The following PKD1L3 variants were observed in gnomAD, a reference collection of about 807,000 sequenced individuals.
PKD1L3 encodes polycystin 1 like 3, transient receptor potential channel interacting.
In PKD1L3, 239 loss-of-function variants were observed where a neutral mutation model predicts 184.1. The ratio of observed to expected loss-of-function variants is 1.30; its 90% CI spans 1.17 to 1.45. PKD1L3 has a LOEUF of 1.45. PKD1L3 is among the 40% of genes most tolerant of loss of function. The probability of loss-of-function intolerance (pLI) is 0.00; values close to 1 mark genes in which losing one functional copy is unlikely to be tolerated. For synonymous variants in PKD1L3, 996 were observed against 778.8 expected, an observed-to-expected ratio of 1.28 and a Z score of -4.64; for missense variants, 2,660 against 2,067.2, an observed-to-expected ratio of 1.29 and a Z score of -5.56.
At position 71,977,427 on chromosome 16, in the gene PKD1L3, G is replaced by A; in HGVS notation, c.1568C>T (p.Thr523Ile). Residue 523 changes from threonine (T) to isoleucine (I), a missense_variant, in exon 11 of 30, where the codon ACC becomes ATC. Physicochemically the swap from Thr to Ile is moderately conservative, Grantham distance 89 (BLOSUM62 -1). Coordinates refer to ENST00000620267, the MANE Select transcript of PKD1L3 (RefSeq NM_181536.2). ...CTGATGTGTGCTCATGTTGAGGCTG[G>A]TGGGATGGGTTTCCAAGCTAACATT... ...WRNVSLETHPTSLNMSTHQLT... is the reference protein window; with the variant it reads ...WRNVSLETHPISLNMSTHQLT... 6.4e-7 allele frequency: 1 copy of A among 1,551,564 alleles called. No individual in the cohort carries two copies. The highest frequency in any genetic ancestry group is 8.7e-7 in the Non-Finnish European group (1 of 1,146,870).
At position 71,934,043 on chromosome 16, in the gene PKD1L3, G is replaced by C. The variant is rs1423923398; in HGVS notation, c.4696C>G (p.Gln1566Glu). 3 of 1,551,464 alleles carry C rather than the reference G, an allele frequency of 1.9e-6. No individual in the cohort carries two copies. Among genetic ancestry groups the C allele is most frequent in the East Asian group, 2.4e-5 (1 of 40,938 alleles). ...CTATGACGCAGCAGGTTCCATAACT[G>C]AACAGTTGCCAGGAGAACCGGGAAG... ...VGFPVLLATV[Q>E]LWNLLRHSPR... The change falls in exon 27 of 30, where the codon CAG becomes GAG. Residue 1566 changes from glutamine to glutamate, a missense_variant. Transcript: ENST00000620267.
chr16:71,989,452 C>A (rs1331471371), intron 4 of PKD1L3, among the ~76,000 whole-genome samples: 1 of 152,228 alleles, frequency 6.6e-6, no homozygotes, highest in African/African-American at 2.4e-5. Flanking sequence ...CGTGCCCAGC[C>A]TCTGTTCTTT....
At chr16:71,939,257 G>A (rs1034402941) in intron 24 of PKD1L3, among the ~76,000 whole-genome samples, 1 of 152,230 alleles carries the variant, frequency 6.6e-6, no homozygotes, top group Non-Finnish European at 1.5e-5. Context: ...TGGACCCCGT[G>A]CTTGCTCATC....
chr16:71,967,490 A>G (rs1195545899), intron 14 of PKD1L3, among the ~76,000 whole-genome samples, 175 bp from the exon 15 acceptor site: 1 of 152,204 alleles, frequency 6.6e-6, no homozygotes, highest in East Asian at 1.9e-4. Flanking sequence ...TCTGACATGA[A>G]GTCTTGCTCT....
chr16:71,977,236 CT>C lies in PKD1L3; in HGVS notation c.1758del (p.Asp587MetfsTer8). The stretch of plus-strand genomic sequence containing the variant: ...TTTCTGACAGCTGATTGGGTTTTAC[CT>C]TTTTGCCACACCTTATCCTTTGGAA... ...ITLPKDKVWQ[K>X]DEEYTWVLNP... On this transcript the variant is annotated frameshift_variant and splice_region_variant, in exon 11 of 30. Transcript: ENST00000620267. LOFTEE classifies it high-confidence loss of function. The C allele has an allele frequency of 6.6e-7, 1 of 1,518,438 alleles. No individual in the cohort carries two copies. The highest frequency in any genetic ancestry group is 9.0e-7 in the Non-Finnish European group (1 of 1,116,822). The allele number at this position is 1,518,438 out of a possible 1,614,324, so 94.1% of individuals were successfully genotyped here.
intron 24 of PKD1L3, among the ~76,000 whole-genome samples, chr16:71,938,623 C>T (rs1055351188): frequency 5.3e-5 from 8 of 152,208 alleles, no homozygotes; most frequent in African/African-American, 1.9e-4. Context: ...AATAAGCACA[C>T]ACTTACTCCC....
chr16:71,982,015 A>G, intron 7 of PKD1L3, 44 bp downstream of exon 7: 1 of 1,461,284 alleles, frequency 6.8e-7, no homozygotes, highest in Non-Finnish European at 9.1e-7. Flanking sequence ...TCAAGATTAA[A>G]ATGCTTCTAA....
Position 71,978,518 on chromosome 16 carries a change from TATAC to T in PKD1L3, c.1399-139_1399-136del, listed in dbSNP as rs1264985442. ...GTGTATATATATATATATATATATA[TATAC>T]ATACATACATACATACATACTTTTT... On this transcript the variant is annotated intron_variant, in intron 9 of 29. Transcript: ENST00000620267. 9.5e-4 allele frequency: 105 copies of T among 110,574 alleles called. 1 individual carries two copies. The highest frequency in any genetic ancestry group is 6.6e-3 in the South Asian group (19 of 2,874). The allele number at this position is 110,574 out of a possible 1,614,324, so 6.8% of individuals were successfully genotyped here. A position where few individuals can be genotyped will look rare whatever the true frequency, so the allele number is the denominator to read the frequency against.
chr16:71,935,409 C>G lies in PKD1L3; in HGVS notation c.4562G>C (p.Ser1521Thr), dbSNP rs548904750. ...CATGTTTTTCTTATGTAGAGAAATA[C>G]TCTTCATGTCAAGCCCCAGGAGGAT... is the stretch of plus-strand genomic sequence containing the variant. ...SFILLGLDMKSISLHKKNMAR... is the reference protein window; with the variant it reads ...SFILLGLDMKTISLHKKNMAR... Residue 1521 changes from serine (S) to threonine (T), a missense_variant, in exon 26 of 30, where the codon AGT becomes ACT. Ser to Thr is a moderately conservative substitution (Grantham distance 58). Coordinates refer to ENST00000620267, the MANE Select transcript of PKD1L3 (RefSeq NM_181536.2). The G allele has an allele frequency of 1.7e-5, 27 of 1,551,894 alleles. No individual in the cohort carries two copies. In the South Asian group the frequency reaches 2.7e-4, roughly 16 times the overall value.
At chr16:71,969,690 G>C (rs1192281613) in intron 13 of PKD1L3, among the ~76,000 whole-genome samples, 185 bp downstream of exon 13, 2 of 120,064 alleles carry the variant, frequency 1.7e-5, no homozygotes, top group African/African-American at 5.1e-5. Context: ...AAAAAAAATA[G>C]AGAGAAAAAG....
Position 71,980,122 on chromosome 16 carries a change from G to C in PKD1L3, c.1156C>G (p.Leu386Val). ...KRHTEPVEDI[L>V]EMSLVEFGNI... ...CCAAACTCCACCAAGGACATTTCCAGGATGTCTTCTACCTGCATGGAAAGG... is the reference window on the plus strand; with the variant it reads ...CCAAACTCCACCAAGGACATTTCCACGATGTCTTCTACCTGCATGGAAAGG... Residue 386 changes from leucine (L) to valine (V), a missense_variant, in exon 8 of 30, where the codon CTG becomes GTG. Physicochemically the swap from Leu to Val is conservative, Grantham distance 32. Transcript: ENST00000620267. 1.3e-6 allele frequency: 2 copies of C among 1,551,536 alleles called. No individual in the cohort carries two copies. The highest frequency in any genetic ancestry group is 8.7e-7 in the Non-Finnish European group (1 of 1,146,850).
chr16:71,994,650 T>C lies in PKD1L3; in HGVS notation c.419-1318A>G, dbSNP rs146508885. Among the ~76,000 whole-genome samples, 1,098 of 152,278 alleles carry C rather than the reference T, an allele frequency of 7.2e-3. 16 individuals are homozygous for C. Among genetic ancestry groups the C allele is most frequent in the African/African-American group, 0.024 (1,016 of 41,570 alleles). ...TTACCTTAAAAATTGTCCAAACTTATCAGCTCCAATTCTTCTCCTCCCCTC... is the reference window on the plus strand; with the variant it reads ...TTACCTTAAAAATTGTCCAAACTTACCAGCTCCAATTCTTCTCCTCCCCTC... On this transcript the variant is annotated intron_variant, in intron 2 of 29. Coordinates refer to ENST00000620267, the MANE Select transcript of PKD1L3 (RefSeq NM_181536.2).
chr16:71,967,939 G>A lies in PKD1L3; in HGVS notation c.2253C>T (p.Thr751=), dbSNP rs200249336. The change falls in exon 14 of 30, where the codon ACC becomes ACT. Residue 751 remains threonine (T), a synonymous_variant. Coordinates refer to ENST00000620267, the MANE Select transcript of PKD1L3 (RefSeq NM_181536.2). ...TTGTAGCAGCGCTTCTTCGATATCC[G>A]GTGTAGACCTGAATAAGGTAGTGAA... is the stretch of plus-strand genomic sequence containing the variant. The part of the protein sequence containing the change: ...AQFHYLIQVY[T]GYRRSAATTA... The A allele has an allele frequency of 6.0e-5, 93 of 1,551,338 alleles. No homozygotes were observed. Among genetic ancestry groups the A allele is most frequent in the African/African-American group, 2.7e-5 (2 of 73,010 alleles).
At chr16:71,939,683 C>T (rs1177753741) in intron 24 of PKD1L3, among the ~76,000 whole-genome samples, 1 of 152,010 alleles carries the variant, frequency 6.6e-6, no homozygotes, top group Non-Finnish European at 1.5e-5. Context: ...CTCTGCAGGT[C>T]TGAGAGAAGA....
chr16:71,967,083 T>C, intron 15 of PKD1L3, 54 bp downstream of exon 15: 1 of 1,481,952 alleles, frequency 6.7e-7, no homozygotes, highest in Non-Finnish European at 9.1e-7. Context: ...TCTTCTTTCT[T>C]CTCTCTTGGA....
chr16:71,934,743 C>T (rs2038115789), intron 26 of PKD1L3, among the ~76,000 whole-genome samples: 1 of 152,238 alleles, frequency 6.6e-6, no homozygotes, highest in Non-Finnish European at 1.5e-5. Context: ...TCCGCTGTCA[C>T]TGCATAAACT....
chr16:71,982,277 GCT>G (rs2040192098), intron 6 of PKD1L3, 42 bp from the exon 7 acceptor site: 90 of 690,178 alleles, frequency 1.3e-4, no homozygotes, highest in South Asian at 9.6e-4. Context: ...TGAATTGTTT[GCT>G]TTTTTTTTTT....
At position 71,937,300 on chromosome 16, in the gene PKD1L3, A is replaced by G; in HGVS notation, c.4444T>C (p.Phe1482Leu). Residue 1482 changes from phenylalanine to leucine, a missense_variant, in exon 25 of 30, where the codon TTC becomes CTC. Transcript: ENST00000620267. ...TAACATTATTGACTCACCTGTATGA[A>G]GGCATAGTAACAGACCAGTAGATAA... The part of the protein sequence containing the change: ...IYYLLVCYYA[F>L]IQGCQLKQQK... 6.4e-7 allele frequency: 1 copy of G among 1,551,052 alleles called. No homozygotes were observed. The highest frequency in any genetic ancestry group is 1.4e-5 in the African/African-American group (1 of 73,128).
chr16:71,941,918 A>G (rs367850880), intron 24 of PKD1L3, among the ~76,000 whole-genome samples: 7 of 152,060 alleles, frequency 4.6e-5, no homozygotes, highest in African/African-American at 1.7e-4. Context: ...GAGGACAAAG[A>G]AAAAAACCTA....
Sources: gnomAD v4.1 joint callset for allele counts (sites outside exome capture counted in the v4.1 genomes callset) on GRCh38, gnomAD v4.1.1 for gene constraint, MANE v1.5 for transcripts, NCBI Gene and HGNC (gene_info 2026-07-23, HGNC 2026-07-21) for gene names.